The following FAF1 variants were observed in gnomAD, a reference collection of about 807,000 sequenced individuals.
FAF1 encodes the protein FAS-associated factor 1.
In FAF1, 25 loss-of-function variants were observed where a neutral mutation model predicts 92.5. That is an observed-to-expected ratio of 0.27 (90% confidence interval 0.20 to 0.38). The LOEUF (loss-of-function observed/expected upper bound fraction) is 0.38, where lower values mean the gene tolerates loss of function less well. Ranked by LOEUF, FAF1 falls within the 10% of genes least tolerant of loss-of-function variation. FAF1 has a pLI of 1.00. For missense variants in FAF1, 636 were observed against 793.3 expected, an observed-to-expected ratio of 0.80 and a Z score of 2.38; for synonymous variants, 234 against 273.2, an observed-to-expected ratio of 0.86 and a Z score of 1.42.
chr1:50,888,323 C>G (rs1644687456), intron 1 of FAF1, among the ~76,000 whole-genome samples: 1 of 152,308 alleles, frequency 6.6e-6, no homozygotes, highest in East Asian at 1.9e-4. Flanking sequence ...CATCTGCAAA[C>G]AGGGACAATT....
chr1:50,706,036 G>T, intron 6 of FAF1, 145 bp from the exon 7 acceptor site: 1 of 559,840 alleles, frequency 1.8e-6, no homozygotes, highest in Non-Finnish European at 3.2e-6. Flanking sequence ...AGCTCCTAAA[G>T]GCAAGAGAAC....
At chr1:50,560,386 C>A (rs1055513719) in intron 13 of FAF1, among the ~76,000 whole-genome samples, 12 of 152,300 alleles carry the variant, frequency 7.9e-5, no homozygotes, top group Admixed American at 5.9e-4. Flanking sequence ...AATACCACAC[C>A]CAAGGGCATT....
chr1:50,682,231 T>G (rs1656458083), intron 7 of FAF1, among the ~76,000 whole-genome samples: 1 of 151,912 alleles, frequency 6.6e-6, no homozygotes, highest in Non-Finnish European at 1.5e-5. Flanking sequence ...CTGGGTGCAG[T>G]CCTCACATCA....
chr1:50,631,511 G>A (rs1199428861), intron 8 of FAF1, among the ~76,000 whole-genome samples: 1 of 152,112 alleles, frequency 6.6e-6, no homozygotes, highest in Non-Finnish European at 1.5e-5. Flanking sequence ...TGGCCCCAAA[G>A]CTCAAGAGTA....
chr1:50,666,389 T>C (rs1213061754), intron 7 of FAF1, among the ~76,000 whole-genome samples: 1 of 151,956 alleles, frequency 6.6e-6, no homozygotes, highest in Non-Finnish European at 1.5e-5. Context: ...AAACTTTTTG[T>C]AGAGAGGAGG....
chr1:50,563,754 A>G (rs1650040776), intron 13 of FAF1, among the ~76,000 whole-genome samples: 1 of 152,234 alleles, frequency 6.6e-6, no homozygotes, highest in Admixed American at 6.5e-5. Context: ...GATGACAGAC[A>G]TTAATCATTA....
chr1:50,958,690 AAATT>A (rs1366367782), intron 1 of FAF1, among the ~76,000 whole-genome samples: 5 of 151,858 alleles, frequency 3.3e-5, no homozygotes, highest in Non-Finnish European at 7.4e-5. Flanking sequence ...AAAAAAAAAA[AAATT>A]AATTAATTTT....
At chr1:50,507,250 A>G (rs1013878604) in intron 15 of FAF1, among the ~76,000 whole-genome samples, 10 of 152,224 alleles carry the variant, frequency 6.6e-5, no homozygotes, top group African/African-American at 2.4e-4. Flanking sequence ...ATTTGTAGAC[A>G]CAGTGATGTC....
intron 2 of FAF1, among the ~76,000 whole-genome samples, chr1:50,808,260 A>T (rs140617625): frequency 6.6e-6 from 1 of 152,302 alleles, no homozygotes; most frequent in East Asian, 1.9e-4. Flanking sequence ...TCCTTAAGGG[A>T]GTGCTAAATA....
chr1:50,680,822 C>T (rs979704682), intron 7 of FAF1, among the ~76,000 whole-genome samples: 3 of 152,202 alleles, frequency 2.0e-5, no homozygotes, highest in South Asian at 2.1e-4. Flanking sequence ...GTCAGAATTT[C>T]GAGAGTTTTC....
At chr1:50,611,500 G>A (rs541758560) in intron 8 of FAF1, among the ~76,000 whole-genome samples, 3 of 152,210 alleles carry the variant, frequency 2.0e-5, no homozygotes, top group African/African-American at 7.2e-5. Context: ...GGCTAATTGT[G>A]GATCTTGAGT....
chr1:50,491,202 A>T (rs1646835158), intron 16 of FAF1, among the ~76,000 whole-genome samples: 1 of 152,110 alleles, frequency 6.6e-6, no homozygotes, highest in African/African-American at 2.4e-5. Context: ...ACTCCTACTC[A>T]CTGAACTCTC....
intron 5 of FAF1, among the ~76,000 whole-genome samples, chr1:50,744,324 G>A (rs184044522): frequency 7.9e-5 from 12 of 151,954 alleles, no homozygotes; most frequent in South Asian, 2.1e-4. Flanking sequence ...GACTTCTTTC[G>A]GACCAATATG....
intron 6 of FAF1, among the ~76,000 whole-genome samples, chr1:50,728,297 C>T (rs1211546631): frequency 6.6e-6 from 1 of 151,988 alleles, no homozygotes; most frequent in Non-Finnish European, 1.5e-5. Context: ...TCATTACTGG[C>T]AGGAGAATAG....
At chr1:50,824,688 A>G (rs1644078790) in intron 2 of FAF1, among the ~76,000 whole-genome samples, 1 of 152,184 alleles carries the variant, frequency 6.6e-6, no homozygotes, top group South Asian at 2.1e-4. Flanking sequence ...AAGATATGAA[A>G]TCAACCTAAA....
chr1:50,518,821 T>C (rs1647337059), intron 15 of FAF1, among the ~76,000 whole-genome samples: 1 of 152,184 alleles, frequency 6.6e-6, no homozygotes, highest in Non-Finnish European at 1.5e-5. Flanking sequence ...GTTAAATCTA[T>C]GTTTAACTTT....
At chr1:50,816,008 T>C (rs894799397) in intron 2 of FAF1, among the ~76,000 whole-genome samples, 7 of 148,330 alleles carry the variant, frequency 4.7e-5, no homozygotes, top group Admixed American at 6.7e-5. Flanking sequence ...GCCTAGGCGA[T>C]AGAGTGAGAT....
At chr1:50,885,814 G>C (rs1272936361) in intron 1 of FAF1, among the ~76,000 whole-genome samples, 1 of 152,044 alleles carries the variant, frequency 6.6e-6, no homozygotes, top group Non-Finnish European at 1.5e-5. Flanking sequence ...CTGGTAGTAT[G>C]AGTTAATTTC....
intron 2 of FAF1, among the ~76,000 whole-genome samples, chr1:50,849,274 A>G (rs1408740954): frequency 6.6e-6 from 1 of 152,038 alleles, no homozygotes; most frequent in Non-Finnish European, 1.5e-5. Flanking sequence ...CTCAAAAAAA[A>G]AAAAAAGAAA....
Sources: allele counts gnomAD v4.1 joint callset (sites outside exome capture counted in the v4.1 genomes callset), GRCh38; gene constraint gnomAD v4.1.1; transcripts MANE v1.5; gene names NCBI Gene and HGNC (gene_info 2026-07-23, HGNC 2026-07-21).